The following FABP5 variants were observed in gnomAD, a reference collection of about 807,000 sequenced individuals.
FABP5 encodes fatty acid binding protein 5, also known as fatty acid-binding protein 5.
A neutral mutation model predicts 16.9 loss-of-function variants in FABP5; 7 were observed. The observed-to-expected ratio is 0.41, with a 90% confidence interval of 0.24 to 0.78. FABP5 has a LOEUF of 0.78. Among genes scored for constraint, FABP5 ranks in the 30% least tolerant of loss-of-function variants. The pLI, the probability that FABP5 is intolerant of heterozygous loss-of-function variation, is 0.30. For missense variants in FABP5, 119 were observed against 159.5 expected, an observed-to-expected ratio of 0.75 and a Z score of 1.37; for synonymous variants, 37 against 52.8, an observed-to-expected ratio of 0.70 and a Z score of 1.30.
intron 1 of FABP5, 183 bp downstream of exon 1, chr8:81,280,857 G>A: frequency 1.7e-6 from 1 of 590,356 alleles, no homozygotes; most frequent in Non-Finnish European, 3.0e-6. Context: ...CGGGCAGGCG[G>A]CGAGGAGCAG....
chr8:81,280,823 G>T, intron 1 of FABP5, 149 bp downstream of exon 1: 1 of 707,830 alleles, frequency 1.4e-6, no homozygotes, highest in Non-Finnish European at 2.4e-6. Context: ...CGCGGCCGTT[G>T]GGTGCAGCGC....
rs981842971 is a variant in FABP5, at chr8:81,281,552, G to T, written c.79+878G>T. Reference sequence around the variant, plus strand: ...GAGGAGGAAGGAGGCAGTGGGCTTTGCTGGAAAACCGTAACAGAAACTGCC... The same window carrying T: ...GAGGAGGAAGGAGGCAGTGGGCTTTTCTGGAAAACCGTAACAGAAACTGCC... On this transcript the variant is annotated intron_variant, in intron 1 of 3. Coordinates refer to ENST00000297258, the MANE Select transcript of FABP5 (RefSeq NM_001444.3). This position sits in a 1 kb window ranked among gnomAD's most constrained non-coding sequence, Gnocchi z 4.5. The T allele has an allele frequency of 1.3e-5, 13 of 985,664 alleles. No homozygotes were observed. The highest frequency in any genetic ancestry group is 1.6e-5 in the Non-Finnish European group (13 of 830,218). 61.1% of individuals were successfully genotyped at this position (985,664 alleles called of 1,614,324 possible).
intron 2 of FABP5, 71 bp from the exon 3 acceptor site, chr8:81,283,802 A>T: frequency 8.2e-7 from 1 of 1,221,502 alleles, no homozygotes; most frequent in Non-Finnish European, 1.2e-6. Flanking sequence ...AATGTTGATT[A>T]AGGAGGTTAT....
At chr8:81,283,731 CTA>C (rs1236086136) in intron 2 of FABP5, 140 bp from the exon 3 acceptor site, 12 of 926,338 alleles carry the variant, frequency 1.3e-5, no homozygotes, top group East Asian at 8.0e-5. Flanking sequence ...AAACCACAAA[CTA>C]TTGTGAATAA....
rs574994304 is a variant in FABP5 at position 81,283,290 on chromosome 8, A to G, written c.80-76A>G. On this transcript the variant is annotated intron_variant, in intron 1 of 3. Transcript: ENST00000297258. ...AAAATATGCCGCACAAAGTGATTAC[A>G]ATGGAATTATTGCTTTTATCATGTA... The G allele has an allele frequency of 1.8e-4, 227 of 1,242,078 alleles. 1 individual carries two copies. In the African/African-American group the frequency reaches 2.7e-3, roughly 15 times the overall value. The allele number at this position is 1,242,078 out of a possible 1,614,324, so 76.9% of individuals were successfully genotyped here. A position where few individuals can be genotyped will look rare whatever the true frequency, so the allele number is the denominator to read the frequency against.
In FABP5 at chr8:81,281,340, G is replaced by A. The variant is rs1230693541; in HGVS notation, c.79+666G>A. ...TCCTCTGCTCGCCCTTACCAGTTGA[G>A]CCGAACCCTTTGGATTGGTACCCCA... On this transcript the variant is annotated intron_variant, in intron 1 of 3. Coordinates refer to ENST00000297258, the MANE Select transcript of FABP5 (RefSeq NM_001444.3). This position sits in a 1 kb window ranked among gnomAD's most constrained non-coding sequence, Gnocchi z 4.5. 7 of 985,404 alleles carry A rather than the reference G, an allele frequency of 7.1e-6. No individual in the cohort carries two copies. Among genetic ancestry groups the A allele is most frequent in the Non-Finnish European group, 7.2e-6 (6 of 830,024 alleles). 61.0% of individuals were successfully genotyped at this position (985,404 alleles called of 1,614,324 possible). A position where few individuals can be genotyped will look rare whatever the true frequency, so the allele number is the denominator to read the frequency against.
At position 81,280,684 on chromosome 8, in the gene FABP5, C is replaced by T; in HGVS notation, c.79+10C>T. On this transcript the variant is annotated intron_variant, in intron 1 of 3. Transcript: ENST00000297258. ...TACATGAAGGAGCTAGGTGAGGCAC[C>T]CGGCCTGGCAGCGCCTGCAACGTGG... 1 of 1,554,126 alleles carries T rather than the reference C, an allele frequency of 6.4e-7. No individual in the cohort carries two copies. The highest frequency in any genetic ancestry group is 8.7e-7 in the Non-Finnish European group (1 of 1,147,708).
rs1807826853 is a variant in FABP5, at chr8:81,281,301, C to T, written c.79+627C>T. 1.0e-6 allele frequency: 1 copy of T among 965,808 alleles called. No individual in the cohort carries two copies. The highest frequency in any genetic ancestry group is 1.8e-5 in the African/African-American group (1 of 56,914). The allele number at this position is 965,808 out of a possible 1,614,324, so 59.8% of individuals were successfully genotyped here. ...TTCAGCTTGCATTCCTCTGTCAGCCCCGTCTCCCCCAGGTCCTCTGCTCGC... is the reference window on the plus strand; with the variant it reads ...TTCAGCTTGCATTCCTCTGTCAGCCTCGTCTCCCCCAGGTCCTCTGCTCGC... On this transcript the variant is annotated intron_variant, in intron 1 of 3. Transcript: ENST00000297258. This position sits in a 1 kb window ranked among gnomAD's most constrained non-coding sequence, Gnocchi z 4.5.
chr8:81,280,873 G>C (rs1013213835), intron 1 of FABP5, 199 bp downstream of exon 1: 28 of 551,904 alleles, frequency 5.1e-5, no homozygotes, highest in Admixed American at 9.6e-5. Flanking sequence ...AGCAGGGAGC[G>C]TGCGCGCCTC....
At chr8:81,280,829 A>C in intron 1 of FABP5, 155 bp downstream of exon 1, 6 of 662,770 alleles carry the variant, frequency 9.1e-6, no homozygotes, top group Non-Finnish European at 1.6e-5. Flanking sequence ...CGTTGGGTGC[A>C]GCGCGCGCAG....
rs1003061798 is a variant in FABP5 at position 81,283,293 on chromosome 8, G to A, written c.80-73G>A. ...ATATGCCGCACAAAGTGATTACAAT[G>A]GAATTATTGCTTTTATCATGTAAAT... On this transcript the variant is annotated intron_variant, in intron 1 of 3. Coordinates refer to ENST00000297258, the MANE Select transcript of FABP5 (RefSeq NM_001444.3). 3 of 1,262,952 alleles carry A rather than the reference G, an allele frequency of 2.4e-6. No homozygotes were observed. The African/African-American group carries it at 4.5e-5, about 19-fold the overall frequency. The allele number at this position is 1,262,952 out of a possible 1,614,324, so 78.2% of individuals were successfully genotyped here. A position where few individuals can be genotyped will look rare whatever the true frequency, so the allele number is the denominator to read the frequency against.
Position 81,281,421 on chromosome 8 carries a change from C to T in FABP5, c.79+747C>T. 1.0e-6 allele frequency: 1 copy of T among 986,120 alleles called. No individual in the cohort carries two copies. Among genetic ancestry groups the T allele is most frequent in the Non-Finnish European group, 1.2e-6 (1 of 830,650 alleles). The allele number at this position is 986,120 out of a possible 1,614,324, so 61.1% of individuals were successfully genotyped here. On this transcript the variant is annotated intron_variant, in intron 1 of 3. Transcript: ENST00000297258. This position sits in a 1 kb window ranked among gnomAD's most constrained non-coding sequence, Gnocchi z 4.5. ...GCTGGCGGTGCCGACCTGCTGCTGG[C>T]ACTGCCGGGCCGGGGCGCCGCAGTG...
At chr8:81,280,703 A>G in intron 1 of FABP5, 29 bp downstream of exon 1, 2 of 1,546,178 alleles carry the variant, frequency 1.3e-6, no homozygotes, top group South Asian at 2.4e-5. Context: ...CAGCGCCTGC[A>G]ACGTGGCGTG....
intron 1 of FABP5, 190 bp from the exon 2 acceptor site, chr8:81,283,176 G>A (rs1737210152): frequency 2.1e-6 from 1 of 487,522 alleles, no homozygotes. Context: ...CAGGGCTGTT[G>A]TAAGGCTTAC....
rs373997816 is a variant in FABP5 at position 81,284,594 on chromosome 8, G to A, written c.*27G>A. 397 of 1,383,506 alleles carry A rather than the reference G, an allele frequency of 2.9e-4. 3 individuals carry two copies. Among genetic ancestry groups the A allele is most frequent in the Middle Eastern group, 1.8e-3 (9 of 5,058 alleles). The allele number at this position is 1,383,506 out of a possible 1,614,324, so 85.7% of individuals were successfully genotyped here. A position where few individuals can be genotyped will look rare whatever the true frequency, so the allele number is the denominator to read the frequency against. On this transcript the variant is annotated 3_prime_UTR_variant, in exon 4 of 4. Coordinates refer to ENST00000297258, the MANE Select transcript of FABP5 (RefSeq NM_001444.3). ...AATTCCATCATCACTTTGGACAGGA[G>A]TTAATTAAGAGAATGACCAAGCTCA...
intron 1 of FABP5, 199 bp from the exon 2 acceptor site, chr8:81,283,166 CA>C (rs1455781095): frequency 2.3e-6 from 1 of 441,998 alleles, no homozygotes; most frequent in Non-Finnish European, 4.1e-6. Context: ...CTGCCTTTTA[CA>C]GGGCTGTTGT....
chr8:81,283,471 C>T lies in FABP5; in HGVS notation c.185C>T (p.Thr62Ile). 6.2e-7 allele frequency: 1 copy of T among 1,613,118 alleles called. No individual in the cohort carries two copies. Among genetic ancestry groups the T allele is most frequent in the Non-Finnish European group, 8.5e-7 (1 of 1,179,546 alleles). The stretch of plus-strand genomic sequence containing the variant: ...ATAAAAACTGAGAGCACTTTGAAAA[C>T]AACACAGTTTTCTTGTACCCTGGGA... ...LTIKTESTLKTTQFSCTLGEK... is the reference protein window; with the variant it reads ...LTIKTESTLKITQFSCTLGEK... Residue 62 changes from threonine to isoleucine, a missense_variant, in exon 2 of 4, where the codon ACA (threonine) becomes ATA (isoleucine). Thr to Ile is a moderately conservative substitution (Grantham distance 89, BLOSUM62 -1). Transcript: ENST00000297258.
rs1023508243 is a variant in FABP5 at position 81,281,676 on chromosome 8, A to G, written c.79+1002A>G. 7.1e-6 allele frequency: 7 copies of G among 985,144 alleles called. No individual in the cohort carries two copies. The highest frequency in any genetic ancestry group is 5.2e-5 in the African/African-American group (3 of 57,246). 61.0% of individuals were successfully genotyped at this position (985,144 alleles called of 1,614,324 possible). On this transcript the variant is annotated intron_variant, in intron 1 of 3. Coordinates refer to ENST00000297258, the MANE Select transcript of FABP5 (RefSeq NM_001444.3). This position sits in a 1 kb window ranked among gnomAD's most constrained non-coding sequence, Gnocchi z 4.5. ...CGAGGGAGAATGAATCTCAGTAGTA[A>G]GATTCATTTCTCACTCAAAACAGTG...
intron 3 of FABP5, 46 bp downstream of exon 3, chr8:81,284,020 C>A: frequency 7.5e-7 from 1 of 1,326,344 alleles, no homozygotes; most frequent in Non-Finnish European, 1.1e-6. Context: ...TGTGTGCATT[C>A]ATAGTTCACA....
Sources: gnomAD v4.1 joint callset for allele counts on GRCh38, gnomAD v4.1.1 for gene constraint, Gnocchi (gnomAD v3.1) non-coding constraint, MANE v1.5 for transcripts, NCBI Gene and HGNC (gene_info 2026-07-23, HGNC 2026-07-21) for gene names.